The following HNRNPF variants were observed in gnomAD, a reference collection of about 807,000 sequenced individuals.
HNRNPF encodes the protein heterogeneous nuclear ribonucleoprotein F.
In HNRNPF, 2 loss-of-function variants were observed where a neutral mutation model predicts 26.0. That is an observed-to-expected ratio of 0.08 (90% CI 0.03 to 0.24). The LOEUF (loss-of-function observed/expected upper bound fraction) is 0.24, where lower values mean the gene tolerates loss of function less well. HNRNPF is among the 10% of genes least tolerant of loss of function. The pLI is 1.00. For missense variants in HNRNPF, 299 were observed against 539.2 expected (o/e 0.55, Z 4.41); for synonymous variants, 234 against 211.5 (o/e 1.11, Z -0.92).
intron 1 of HNRNPF, among the ~76,000 whole-genome samples, chr10:43,407,327 G>A (rs1838954736): frequency 6.6e-6 from 1 of 151,992 alleles, no homozygotes; most frequent in Admixed American, 6.6e-5. Context: ...CCCGCGAGCA[G>A]TTTCGAGAAC....
intron 1 of HNRNPF, chr10:43,396,793 C>T (rs1196986600): frequency 6.6e-6 from 1 of 150,472 alleles, no homozygotes; most frequent in Non-Finnish European, 1.5e-5. Flanking sequence ...TGCGCGGGCT[C>T]GGGCGGGAGC....
At chr10:43,396,021 C>T (rs1198943620) in intron 2 of HNRNPF, among the ~76,000 whole-genome samples, 2 of 151,604 alleles carry the variant, frequency 1.3e-5, no homozygotes, top group Non-Finnish European at 3.0e-5. Context: ...CGAGCTTGCA[C>T]GGGGGCCACC....
At chr10:43,407,093 T>C (rs773421665) in intron 1 of HNRNPF, among the ~76,000 whole-genome samples, 1 of 152,128 alleles carries the variant, frequency 6.6e-6, no homozygotes, top group South Asian at 2.1e-4. Flanking sequence ...GAAAGAATTA[T>C]ATGCGTGTAT....
chr10:43,395,479 G>C (rs1838450089), intron 2 of HNRNPF, among the ~76,000 whole-genome samples: 1 of 152,154 alleles, frequency 6.6e-6, no homozygotes, highest in South Asian at 2.1e-4. Context: ...TGGAAATGTG[G>C]AATTAGTAAA....
At chr10:43,389,417 T>C (rs1838158125) in intron 3 of HNRNPF, among the ~76,000 whole-genome samples, 1 of 152,060 alleles carries the variant, frequency 6.6e-6, no homozygotes, top group African/African-American at 2.4e-5. Context: ...AAAGTAAAGG[T>C]AAGTGTAATT....
Position 43,386,576 on chromosome 10 carries a change from CTTAA to C in HNRNPF, c.*57_*60del. On this transcript the variant is annotated 3_prime_UTR_variant, in exon 4 of 4. Transcript: ENST00000682386. ...CCCAGCTTCCTCTATTATAACTGCTCTTAATTGCTTGTTGGCTGCCTGTGAAAAT... is the reference window on the plus strand; with the variant it reads ...CCCAGCTTCCTCTATTATAACTGCTCTTGCTTGTTGGCTGCCTGTGAAAAT... The C allele has an allele frequency of 1.4e-6, 2 of 1,465,984 alleles. No homozygotes were observed. The highest frequency in any genetic ancestry group is 1.8e-6 in the Non-Finnish European group (2 of 1,102,446). The allele number at this position is 1,465,984 out of a possible 1,614,324, so 90.8% of individuals were successfully genotyped here.
In HNRNPF at chr10:43,385,662, G is replaced by A. The variant is rs1457372349; in HGVS notation, c.*975C>T. On this transcript the variant is annotated 3_prime_UTR_variant, in exon 4 of 4. Coordinates refer to ENST00000682386, the MANE Select transcript of HNRNPF (RefSeq NM_001098204.2). ...TATAAAAACTAGAAACAAAATAATT[G>A]CTTTCACAATGTAGTACTTGAAACT... 1 of 152,080 alleles carries A rather than the reference G, an allele frequency of 6.6e-6. No homozygotes were observed. The highest frequency in any genetic ancestry group is 2.4e-5 in the African/African-American group (1 of 41,402). 9.4% of individuals were successfully genotyped at this position (152,080 alleles called of 1,614,324 possible).
intron 3 of HNRNPF, among the ~76,000 whole-genome samples, chr10:43,392,270 G>C (rs945237130): frequency 1.3e-5 from 2 of 152,222 alleles, no homozygotes; most frequent in Non-Finnish European, 2.9e-5. Context: ...GCCGGGCACA[G>C]TGCCTCACAC....
chr10:43,399,108 A>G (rs554014268), intron 1 of HNRNPF, among the ~76,000 whole-genome samples: 3 of 152,284 alleles, frequency 2.0e-5, no homozygotes, highest in East Asian at 1.9e-4. Context: ...GGGGAGATGG[A>G]GAATAACTGT....
At position 43,386,784 on chromosome 10, in the gene HNRNPF, G is replaced by A. The variant is rs751132802; in HGVS notation, c.1101C>T (p.Ala367=). 4.4e-5 allele frequency: 71 copies of A among 1,614,016 alleles called. No homozygotes were observed. The highest frequency in any genetic ancestry group is 5.5e-5 in the Non-Finnish European group (65 of 1,180,032). ...CCTGGCTGCTATACGCCCCATTGCT[G>A]GCCCCTGTTGTTGAATTCAAGAAGA... ...IELFLNSTTG[A]SNGAYSSQVM... is the part of the protein sequence containing the mutation. The change falls in exon 4 of 4, where the codon GCC becomes GCT. Residue 367 remains alanine (A), a synonymous_variant. Transcript: ENST00000682386.
At position 43,387,894 on chromosome 10, in the gene HNRNPF, T is replaced by A. The variant is rs1126487; in HGVS notation, c.-10A>T. The A allele has an allele frequency of 0.46, 726,626 of 1,588,642 alleles. 173,942 individuals carry two copies. The highest frequency in any genetic ancestry group is 0.83 in the African/African-American group (61,588 of 74,292). On this transcript the variant is annotated 5_prime_UTR_variant, in exon 4 of 4. Coordinates refer to ENST00000682386, the MANE Select transcript of HNRNPF (RefSeq NM_001098204.2). This position sits in a 1 kb window ranked among gnomAD's most constrained non-coding sequence, Gnocchi z 6.0. ...CAGGGCCCAGCATCATGGACACTTG[T>A]CAGGGTGGGTGTCAGGTGATCTTGG...
At position 43,386,320 on chromosome 10, in the gene HNRNPF, AGT is replaced by A. The variant is rs1487473495; in HGVS notation, c.*315_*316del. 9.1e-6 allele frequency: 2 copies of A among 218,600 alleles called. No individual in the cohort carries two copies. The highest frequency in any genetic ancestry group is 2.1e-4 in the East Asian group (2 of 9,468). 13.5% of individuals were successfully genotyped at this position (218,600 alleles called of 1,614,324 possible). On this transcript the variant is annotated 3_prime_UTR_variant, in exon 4 of 4. Coordinates refer to ENST00000682386, the MANE Select transcript of HNRNPF (RefSeq NM_001098204.2). Reference sequence around the variant, plus strand: ...GTTTTCCAAAAAAGCACGTCTCCCCAGTGTGTTCACTGTGATGTGGTGTAAAA... The same window carrying A: ...GTTTTCCAAAAAAGCACGTCTCCCCAGTGTTCACTGTGATGTGGTGTAAAA...
At chr10:43,395,193 C>T (rs768185741) in intron 2 of HNRNPF, among the ~76,000 whole-genome samples, 1 of 152,072 alleles carries the variant, frequency 6.6e-6, no homozygotes, top group East Asian at 1.9e-4. Context: ...GGGGACTTGA[C>T]CTTAAGACCC....
chr10:43,399,950 A>G (rs1838701451), intron 1 of HNRNPF, among the ~76,000 whole-genome samples: 2 of 152,250 alleles, frequency 1.3e-5, no homozygotes, highest in Admixed American at 1.3e-4. Flanking sequence ...TGAGGAAGTG[A>G]CATTTAAACA....
chr10:43,398,446 T>C (rs1838642971), intron 1 of HNRNPF, among the ~76,000 whole-genome samples: 1 of 150,558 alleles, frequency 6.6e-6, no homozygotes, highest in Non-Finnish European at 1.5e-5. Context: ...GTTCAAGCGA[T>C]TCTCCTGGCC....
intron 1 of HNRNPF, chr10:43,397,235 C>G (rs1034025380): frequency 6.6e-6 from 1 of 152,156 alleles, no homozygotes; most frequent in Non-Finnish European, 1.5e-5. Flanking sequence ...GTCCGGAGTC[C>G]GGGAAGCGGA....
In HNRNPF at chr10:43,387,231, C is replaced by T. The variant is rs560430063; in HGVS notation, c.654G>A (p.Arg218=). The change falls in exon 4 of 4, where the codon AGG becomes AGA. Residue 218 remains arginine, a synonymous_variant. Coordinates refer to ENST00000682386, the MANE Select transcript of HNRNPF (RefSeq NM_001098204.2). The surrounding 1 kb of genome is among the most constrained non-coding windows in gnomAD (Gnocchi z 6.0). ...GPYDRPGTAR[R]YIGIVKQAGL... ...CTGCCTGCTTCACGATGCCAATGTA[C>T]CTCCTGGCAGTCCCGGGCCGGTCAT... The T allele has an allele frequency of 5.0e-5, 80 of 1,614,232 alleles. No homozygotes were observed. In the South Asian group the frequency reaches 8.7e-4, roughly 18 times the overall value.
intron 1 of HNRNPF, among the ~76,000 whole-genome samples, chr10:43,399,046 A>G (rs907241800): frequency 6.6e-6 from 1 of 152,196 alleles, no homozygotes; most frequent in Non-Finnish European, 1.5e-5. Context: ...ATCCATCTTG[A>G]AATATTTGTG....
rs374866250 is a variant in HNRNPF, at chr10:43,391,409, G to T, written c.-53+3221C>A. On this transcript the variant is annotated intron_variant, in intron 3 of 3. Coordinates refer to ENST00000682386, the MANE Select transcript of HNRNPF (RefSeq NM_001098204.2). ...GGAAGCGGAGTTTTCAGTGAGTGGA[G>T]ATCGCACCATTGTACTCCAGCCCGG... 1.3e-4 allele frequency among the ~76,000 whole-genome samples: 19 copies of T among 151,802 alleles called. No individual in the cohort carries two copies. The East Asian group carries it at 3.1e-3, about 25-fold the overall frequency.
Sources: allele counts gnomAD v4.1 joint callset (sites outside exome capture counted in the v4.1 genomes callset), GRCh38; gene constraint gnomAD v4.1.1; non-coding constraint Gnocchi (gnomAD v3.1); transcripts MANE v1.5; gene names NCBI Gene and HGNC (gene_info 2026-07-23, HGNC 2026-07-21).